The following MGAT4C variants were observed in gnomAD, a reference collection of about 807,000 sequenced individuals.
MGAT4C encodes the protein alpha-1,3-mannosyl-glycoprotein 4-beta-N-acetylglucosaminyltransferase C.
MGAT4C carries 19 observed loss-of-function variants against 40.1 expected under a neutral mutation model. That is an observed-to-expected ratio of 0.47 (90% CI 0.33 to 0.70). The LOEUF (loss-of-function observed/expected upper bound fraction) is 0.70. MGAT4C is among the 30% of genes least tolerant of loss of function. The pLI, the probability that MGAT4C is intolerant of heterozygous loss-of-function variation, is 0.02. For missense variants in MGAT4C, 491 were observed against 563.2 expected, an observed-to-expected ratio of 0.87 and a Z score of 1.30; for synonymous variants, 181 against 187.1, an observed-to-expected ratio of 0.97 and a Z score of 0.27.
intron 2 of MGAT4C, among the ~76,000 whole-genome samples, chr12:86,527,539 A>C (rs551508217): frequency 6.6e-6 from 1 of 152,274 alleles, no homozygotes; most frequent in Admixed American, 6.5e-5. Flanking sequence ...GAATGTCACC[A>C]GTGATTTGAT....
chr12:86,037,732 T>C (rs1209778150), intron 2 of MGAT4C, among the ~76,000 whole-genome samples: 1 of 149,760 alleles, frequency 6.7e-6, no homozygotes, highest in African/African-American at 2.4e-5. Flanking sequence ...TTTTAGAATA[T>C]GTGGGATGTG....
intron 2 of MGAT4C, among the ~76,000 whole-genome samples, chr12:86,663,353 CAAAAAAAAAAAA>C (rs58562873): frequency 2.2e-5 from 1 of 44,804 alleles, no homozygotes; most frequent in East Asian, 8.1e-4. Flanking sequence ...TCCTCTGTCT[CAAAAAAAAAAAA>C]AAAAAAAAAA....
chr12:86,629,971 T>G (rs915386836), intron 2 of MGAT4C, among the ~76,000 whole-genome samples: 1 of 152,134 alleles, frequency 6.6e-6, no homozygotes, highest in Non-Finnish European at 1.5e-5. Flanking sequence ...GGAGCCGGTT[T>G]TTTGAAAAGA....
At chr12:86,381,682 A>G (rs1955932058) in intron 3 of MGAT4C, among the ~76,000 whole-genome samples, 1 of 152,110 alleles carries the variant, frequency 6.6e-6, no homozygotes, top group Non-Finnish European at 1.5e-5. Context: ...TGACACATAA[A>G]ATTGTTCATA....
intron 2 of MGAT4C, among the ~76,000 whole-genome samples, chr12:86,474,748 G>A (rs902936495): frequency 1.3e-5 from 2 of 151,764 alleles, no homozygotes; most frequent in African/African-American, 2.4e-5. Context: ...TGTCAAATGG[G>A]GATATGGTCA....
At chr12:86,546,798 G>A (rs1959195412) in intron 2 of MGAT4C, among the ~76,000 whole-genome samples, 1 of 151,968 alleles carries the variant, frequency 6.6e-6, no homozygotes, top group African/African-American at 2.4e-5. Context: ...AATAATGTGT[G>A]GGGATAGTCA....
intron 2 of MGAT4C, among the ~76,000 whole-genome samples, chr12:86,726,627 T>C (rs1315151970): frequency 6.6e-6 from 1 of 152,202 alleles, no homozygotes; most frequent in Non-Finnish European, 1.5e-5. Context: ...TGGATGTTTG[T>C]TAATATGTGC....
intron 2 of MGAT4C, among the ~76,000 whole-genome samples, chr12:86,686,010 C>T (rs1414507978): frequency 1.3e-5 from 2 of 150,650 alleles, no homozygotes; most frequent in Non-Finnish European, 3.0e-5. Context: ...CTACAGGCAC[C>T]TGCCACCATG....
At chr12:86,028,279 T>C (rs1270425131) in intron 2 of MGAT4C, 34 of 774,502 alleles carry the variant, frequency 4.4e-5, no homozygotes, top group Non-Finnish European at 5.8e-5. Context: ...GCCCTAGTAA[T>C]TGACAGCATT....
chr12:86,095,579 C>T (rs1335201592), intron 1 of MGAT4C, among the ~76,000 whole-genome samples: 1 of 151,062 alleles, frequency 6.6e-6, no homozygotes, highest in Admixed American at 6.6e-5. Flanking sequence ...CCTATCTACT[C>T]ATGCTTTATG....
At chr12:86,361,524 G>A (rs1313830520) in intron 3 of MGAT4C, among the ~76,000 whole-genome samples, 2 of 152,146 alleles carry the variant, frequency 1.3e-5, no homozygotes, top group African/African-American at 4.8e-5. Context: ...CACAGCAAAA[G>A]AAACTACCAT....
At chr12:86,619,110 G>A (rs1423790610) in intron 2 of MGAT4C, among the ~76,000 whole-genome samples, 1 of 152,046 alleles carries the variant, frequency 6.6e-6, no homozygotes, top group Non-Finnish European at 1.5e-5. Context: ...TGCATAGGTT[G>A]TATGCAAATA....
intron 2 of MGAT4C, among the ~76,000 whole-genome samples, chr12:86,633,681 T>G (rs115728866): frequency 6.6e-6 from 1 of 152,124 alleles, no homozygotes; most frequent in East Asian, 1.9e-4. Flanking sequence ...TTTAATTTGA[T>G]CCCTAAAACT....
intron 1 of MGAT4C, among the ~76,000 whole-genome samples, chr12:86,832,427 C>T (rs964472585): frequency 6.6e-6 from 1 of 151,622 alleles, no homozygotes; most frequent in Non-Finnish European, 1.5e-5. Flanking sequence ...TTTATCCATA[C>T]TCATTCAGCA....
At chr12:86,320,452 T>C (rs1295788129) in intron 4 of MGAT4C, among the ~76,000 whole-genome samples, 2 of 152,138 alleles carry the variant, frequency 1.3e-5, no homozygotes, top group Non-Finnish European at 2.9e-5. Context: ...TTAATATTTT[T>C]CATGGTAAAA....
intron 2 of MGAT4C, among the ~76,000 whole-genome samples, chr12:86,721,368 G>A (rs754731217): frequency 2.6e-5 from 4 of 151,684 alleles, no homozygotes; most frequent in South Asian, 2.1e-4. Context: ...GAGGCCCTGC[G>A]CACACCAAGA....
At chr12:86,187,077 AT>A (rs930374611) in intron 1 of MGAT4C, among the ~76,000 whole-genome samples, 3 of 151,914 alleles carry the variant, frequency 2.0e-5, no homozygotes, top group African/African-American at 7.3e-5. Flanking sequence ...CATTCTGCAC[AT>A]TTTTTTTCAT....
chr12:86,588,890 C>A (rs1049081606), intron 2 of MGAT4C, among the ~76,000 whole-genome samples: 5 of 151,592 alleles, frequency 3.3e-5, no homozygotes, highest in African/African-American at 1.2e-4. Flanking sequence ...ATCTCTGGGA[C>A]ACATTCAAAG....
Position 86,662,419 on chromosome 12 carries a change from G to A in MGAT4C, c.-229+64790C>T, listed in dbSNP as rs527258535. 2.0e-5 allele frequency among the ~76,000 whole-genome samples: 3 copies of A among 152,268 alleles called. No homozygotes were observed. In the South Asian group the frequency reaches 6.2e-4, roughly 32 times the overall value. On this transcript the variant is annotated intron_variant, in intron 2 of 7. Transcript: ENST00000548651. ...GAATAATCTCCCTATGAAGATTATAGACACAGAAGTTTAGGCAATGACCTA... is the reference window on the plus strand; with the variant it reads ...GAATAATCTCCCTATGAAGATTATAAACACAGAAGTTTAGGCAATGACCTA...
Sources: allele counts gnomAD v4.1 joint callset (sites outside exome capture counted in the v4.1 genomes callset), GRCh38; gene constraint gnomAD v4.1.1; transcripts MANE v1.5; gene names NCBI Gene and HGNC (gene_info 2026-07-23, HGNC 2026-07-21).